The following FAM162A variants were observed in gnomAD, a reference collection of about 807,000 sequenced individuals.
FAM162A encodes the protein family with sequence similarity 162 member A, also known as protein FAM162A.
FAM162A carries 23 observed loss-of-function variants against 21.8 expected under a neutral mutation model. The ratio of observed to expected loss-of-function variants is 1.05; its 90% CI spans 0.76 to 1.49. FAM162A has a LOEUF of 1.49. FAM162A is among the 40% of genes most tolerant of loss of function. The probability of loss-of-function intolerance (pLI) is 0.00; values close to 1 mark genes in which losing one functional copy is unlikely to be tolerated. For missense variants in FAM162A, 165 were observed against 186.4 expected (o/e 0.89, Z 0.67); for synonymous variants, 53 against 61.3 (o/e 0.86, Z 0.64).
intron 1 of FAM162A, among the ~76,000 whole-genome samples, chr3:122,393,302 C>T (rs2075612125): frequency 6.6e-6 from 1 of 151,696 alleles, no homozygotes; most frequent in Admixed American, 6.6e-5. Context: ...GCAACTTTTC[C>T]AGAACTCTGG....
chr3:122,391,224 G>T (rs562152403), intron 1 of FAM162A, among the ~76,000 whole-genome samples: 1 of 152,122 alleles, frequency 6.6e-6, no homozygotes, highest in Admixed American at 6.5e-5. Context: ...AGAAGGTCTG[G>T]CATTATCGCC....
At chr3:122,384,385 G>T (rs745447876) in intron 1 of FAM162A, 86 bp downstream of exon 1, 7 of 1,463,206 alleles carry the variant, frequency 4.8e-6, no homozygotes, top group Non-Finnish European at 5.6e-6. Context: ...CTGGGCCCCG[G>T]AGTGGCTCCA....
At chr3:122,388,776 A>G (rs1269931536) in intron 1 of FAM162A, among the ~76,000 whole-genome samples, 1 of 152,198 alleles carries the variant, frequency 6.6e-6, no homozygotes, top group African/African-American at 2.4e-5. Flanking sequence ...ATGACCGGGC[A>G]CGGTGGCTCA....
intron 4 of FAM162A, chr3:122,408,034 A>G (rs1457543068): frequency 6.6e-6 from 1 of 152,256 alleles, no homozygotes; most frequent in Non-Finnish European, 1.5e-5. Context: ...ACTATAGCTT[A>G]GAAAGCTTTA....
intron 1 of FAM162A, among the ~76,000 whole-genome samples, chr3:122,391,365 G>T (rs2107696044): frequency 6.6e-6 from 1 of 152,074 alleles, no homozygotes; most frequent in African/African-American, 2.4e-5. Context: ...GCTAGTTTTT[G>T]TATTTTTTGT....
At chr3:122,398,197 A>C (rs1299953724) in intron 1 of FAM162A, among the ~76,000 whole-genome samples, 1 of 152,222 alleles carries the variant, frequency 6.6e-6, no homozygotes, top group Admixed American at 6.5e-5. Context: ...TGCACGGTTT[A>C]TGCCTTAAGA....
rs1050145762 is a variant in FAM162A at position 122,403,186 on chromosome 3, T to C, written c.157+304T>C. Among the ~76,000 whole-genome samples the C allele has an allele frequency of 3.3e-5, 5 of 152,218 alleles. No homozygotes were observed. In the East Asian group the frequency reaches 9.6e-4, roughly 29 times the overall value. On this transcript the variant is annotated intron_variant, in intron 2 of 4. Transcript: ENST00000477892. ...CCATGTTCCTACATCATACCTCCCA[T>C]GTTTTACTCATATGCAGGCCCATCT...
intron 1 of FAM162A, among the ~76,000 whole-genome samples, chr3:122,385,922 C>T (rs2075572489): frequency 6.6e-6 from 1 of 152,218 alleles, no homozygotes; most frequent in Admixed American, 6.5e-5. Context: ...GCAGCCCTCT[C>T]AGGTAAGTCT....
chr3:122,407,421 T>C, intron 4 of FAM162A, 32 bp downstream of exon 4: 1 of 1,525,796 alleles, frequency 6.6e-7, no homozygotes, highest in South Asian at 1.1e-5. Flanking sequence ...ATCCAGTATG[T>C]ATGTTCTCCA....
intron 1 of FAM162A, among the ~76,000 whole-genome samples, chr3:122,389,437 G>A (rs114249607): frequency 4.8e-4 from 70 of 144,930 alleles, no homozygotes; most frequent in Middle Eastern, 3.7e-3. Context: ...ATAGATAGAT[G>A]AGATAGATAG....
At chr3:122,384,748 A>C (rs1043561768) in intron 1 of FAM162A, among the ~76,000 whole-genome samples, 1 of 152,118 alleles carries the variant, frequency 6.6e-6, no homozygotes, top group African/African-American at 2.4e-5. Context: ...TCCAGTCTGA[A>C]GTTTCCCCAC....
chr3:122,400,019 G>A (rs1274636045), intron 1 of FAM162A, among the ~76,000 whole-genome samples: 5 of 152,122 alleles, frequency 3.3e-5, no homozygotes, highest in African/African-American at 1.2e-4. Context: ...CAGGAGAATC[G>A]CTTGTACCTG....
chr3:122,409,497 G>A (rs1262978086), intron 4 of FAM162A, among the ~76,000 whole-genome samples: 1 of 152,148 alleles, frequency 6.6e-6, no homozygotes, highest in African/African-American at 2.4e-5. Context: ...AAAGAAAGGG[G>A]CCAGAAGGGA....
intron 1 of FAM162A, among the ~76,000 whole-genome samples, chr3:122,389,381 G>GGATAGATGGATA (rs1388512053): frequency 8.9e-4 from 130 of 145,344 alleles, no homozygotes; most frequent in African/African-American, 3.2e-3. Flanking sequence ...TAGTATAGAT[G>GGATAGATGGATA]GATAGATAGA....
At chr3:122,388,947 G>T (rs2075586955) in intron 1 of FAM162A, among the ~76,000 whole-genome samples, 1 of 152,076 alleles carries the variant, frequency 6.6e-6, no homozygotes, top group African/African-American at 2.4e-5. Flanking sequence ...TACTCAGGAG[G>T]CTGAGGCAGG....
At chr3:122,387,467 A>C (rs2075580047) in intron 1 of FAM162A, among the ~76,000 whole-genome samples, 1 of 152,198 alleles carries the variant, frequency 6.6e-6, no homozygotes, top group African/African-American at 2.4e-5. Flanking sequence ...TTTACAGATG[A>C]GGAAACTTAA....
chr3:122,384,359 G>C lies in FAM162A; in HGVS notation c.34+60G>C, dbSNP rs546070786. 2.6e-5 allele frequency: 40 copies of C among 1,541,272 alleles called. No homozygotes were observed. The African/African-American group carries it at 5.2e-4, about 20-fold the overall frequency. On this transcript the variant is annotated intron_variant, in intron 1 of 4. Transcript: ENST00000477892. ...GCTGGCCCGGCCGCTGCGGGTGGGG[G>C]AATCCTGAAGCCTTCCTGGGCCCCG...
chr3:122,409,691 T>A, intron 4 of FAM162A, 48 bp from the exon 5 acceptor site: 1 of 1,551,290 alleles, frequency 6.4e-7, no homozygotes, highest in Non-Finnish European at 8.9e-7. Context: ...AAAGACACCC[T>A]CCCCTGACCA....
chr3:122,386,768 C>T (rs2075576270), intron 1 of FAM162A, among the ~76,000 whole-genome samples: 1 of 152,154 alleles, frequency 6.6e-6, no homozygotes, highest in East Asian at 1.9e-4. Flanking sequence ...TTTATGAGCT[C>T]GAATTTGTTG....
Sources: gnomAD v4.1 joint callset for allele counts (sites outside exome capture counted in the v4.1 genomes callset) on GRCh38, gnomAD v4.1.1 for gene constraint, MANE v1.5 for transcripts, NCBI Gene and HGNC (gene_info 2026-07-23, HGNC 2026-07-21) for gene names.